PEX5L: variants seen among roughly 807,000 people sequenced by gnomAD.
The protein encoded by PEX5L is PEX5-related protein.
PEX5L carries 30 observed loss-of-function variants against 84.0 expected under a neutral mutation model. That is an observed-to-expected ratio of 0.36 (90% CI 0.27 to 0.48). The LOEUF is 0.48. Ranked by LOEUF, PEX5L falls within the 20% of genes least tolerant of loss-of-function variation. PEX5L has a pLI of 0.99. For synonymous variants in PEX5L, 270 were observed against 283.1 expected (o/e 0.95, Z 0.46); for missense variants, 533 against 754.6 (o/e 0.71, Z 3.44).
intron 1 of PEX5L, among the ~76,000 whole-genome samples, chr3:180,020,517 A>G (rs1051511096): frequency 1.3e-5 from 2 of 152,162 alleles, no homozygotes; most frequent in Admixed American, 6.5e-5. Context: ...AAATTATTTT[A>G]CTGGGAAAAG....
intron 8 of PEX5L, among the ~76,000 whole-genome samples, chr3:179,827,533 A>C (rs1164263815): frequency 6.6e-6 from 1 of 152,154 alleles, no homozygotes; most frequent in Admixed American, 6.5e-5. Context: ...AGCCCTACCC[A>C]AATTACAGAG....
chr3:180,014,070 G>A (rs980011265), intron 1 of PEX5L, among the ~76,000 whole-genome samples: 17 of 152,166 alleles, frequency 1.1e-4, no homozygotes, highest in African/African-American at 4.1e-4. Context: ...CCATGCTCAT[G>A]CCCTTGAAGA....
At chr3:179,859,494 G>A (rs1008622012) in intron 7 of PEX5L, among the ~76,000 whole-genome samples, 4 of 152,280 alleles carry the variant, frequency 2.6e-5, no homozygotes, top group African/African-American at 9.6e-5. Context: ...ATTCTGATAC[G>A]CAGCTAGGAT....
intron 8 of PEX5L, among the ~76,000 whole-genome samples, chr3:179,847,253 T>C (rs1270810802): frequency 6.6e-6 from 1 of 152,082 alleles, no homozygotes; most frequent in African/African-American, 2.4e-5. Flanking sequence ...GATTGATATA[T>C]AGATAACTGT....
chr3:179,966,191 GCTGTGT>G (rs1239203553), intron 2 of PEX5L, among the ~76,000 whole-genome samples: 1 of 152,166 alleles, frequency 6.6e-6, no homozygotes, highest in Admixed American at 6.6e-5. Context: ...TGCATAATGT[GCTGTGT>G]CCTTCGAATG....
chr3:179,944,146 T>C (rs2109847919), intron 2 of PEX5L, among the ~76,000 whole-genome samples: 1 of 152,284 alleles, frequency 6.6e-6, no homozygotes, highest in Non-Finnish European at 1.5e-5. Context: ...CATTACAAAT[T>C]TTAGGGAATG....
chr3:179,983,614 A>C (rs945045232), intron 1 of PEX5L, among the ~76,000 whole-genome samples: 7 of 152,186 alleles, frequency 4.6e-5, no homozygotes, highest in African/African-American at 1.7e-4. Flanking sequence ...CACTTAAAAA[A>C]AACTCCACCA....
chr3:179,906,550 T>C (rs575495729), intron 2 of PEX5L, among the ~76,000 whole-genome samples: 7 of 152,314 alleles, frequency 4.6e-5, no homozygotes, highest in Non-Finnish European at 8.8e-5. Flanking sequence ...TAGAAAGATA[T>C]GTTGTTTTAT....
chr3:180,016,278 T>A (rs1333555396), intron 1 of PEX5L, among the ~76,000 whole-genome samples: 1 of 152,218 alleles, frequency 6.6e-6, no homozygotes, highest in Non-Finnish European at 1.5e-5. Context: ...ATTAAATCCT[T>A]ACTGCTATCT....
chr3:179,901,681 T>C (rs1761394757), intron 2 of PEX5L, among the ~76,000 whole-genome samples: 1 of 152,242 alleles, frequency 6.6e-6, no homozygotes, highest in African/African-American at 2.4e-5. Context: ...GAAACATTTT[T>C]CTCAATGCTT....
chr3:179,872,416 C>A (rs185440068), intron 7 of PEX5L, among the ~76,000 whole-genome samples: 3 of 152,260 alleles, frequency 2.0e-5, no homozygotes, highest in African/African-American at 7.2e-5. Context: ...AGAGTAAATT[C>A]TTTACAAATA....
intron 1 of PEX5L, among the ~76,000 whole-genome samples, chr3:179,974,658 C>T (rs1362855364): frequency 6.6e-6 from 1 of 152,166 alleles, no homozygotes; most frequent in African/African-American, 2.4e-5. Context: ...TTCTGACCTG[C>T]AAGAGACGTA....
intron 2 of PEX5L, chr3:179,921,711 A>C (rs1244013593): frequency 6.6e-6 from 1 of 152,232 alleles, no homozygotes; most frequent in Non-Finnish European, 1.5e-5. Context: ...ATGAGAACAC[A>C]GACACTGGAT....
At chr3:180,026,147 T>TC (rs1284953959) in intron 1 of PEX5L, among the ~76,000 whole-genome samples, 2 of 151,072 alleles carry the variant, frequency 1.3e-5, no homozygotes, top group Admixed American at 6.6e-5. Context: ...TTTTTTTTTT[T>TC]TTTTTTTGCA....
chr3:179,809,720 ACAG>A, intron 11 of PEX5L, 52 bp from the exon 12 acceptor site: 1 of 1,371,576 alleles, frequency 7.3e-7, no homozygotes, highest in Non-Finnish European at 1.0e-6. Flanking sequence ...CCACAATCTA[ACAG>A]TTCTTCAGAA....
chr3:179,994,017 A>C (rs1280476655), intron 1 of PEX5L, among the ~76,000 whole-genome samples: 9 of 152,310 alleles, frequency 5.9e-5, no homozygotes, highest in African/African-American at 2.2e-4. Flanking sequence ...TTGCTTTTAA[A>C]ATTTAATATA....
At chr3:179,884,482 T>C (rs1755143554) in intron 4 of PEX5L, among the ~76,000 whole-genome samples, 1 of 152,218 alleles carries the variant, frequency 6.6e-6, no homozygotes, top group South Asian at 2.1e-4. Context: ...GTGAATTCTG[T>C]CCTGGAGCCT....
intron 2 of PEX5L, among the ~76,000 whole-genome samples, chr3:179,922,116 TATG>T (rs1769642582): frequency 6.6e-6 from 1 of 152,198 alleles, no homozygotes; most frequent in African/African-American, 2.4e-5. Context: ...CTGCTGGGAT[TATG>T]ATTTGTTGCT....
At chr3:179,986,525 C>G (rs1280303181) in intron 1 of PEX5L, among the ~76,000 whole-genome samples, 1 of 151,852 alleles carries the variant, frequency 6.6e-6, no homozygotes, top group East Asian at 1.9e-4. Context: ...GCCTCAGCCT[C>G]CCGAGTAGCT....
Sources: allele counts gnomAD v4.1 joint callset (sites outside exome capture counted in the v4.1 genomes callset), GRCh38; gene constraint gnomAD v4.1.1; transcripts MANE v1.5; gene names NCBI Gene and HGNC (gene_info 2026-07-23, HGNC 2026-07-21).